Variants in RIMS1 observed in about 807,000 individuals in gnomAD.
RIMS1 encodes the protein regulating synaptic membrane exocytosis protein 1.
In RIMS1, 83 loss-of-function variants were observed where a neutral mutation model predicts 214.1. The ratio of observed to expected loss-of-function variants is 0.39; its 90% CI spans 0.32 to 0.47. RIMS1 has a LOEUF of 0.47. Ranked by LOEUF, RIMS1 falls within the 20% of genes least tolerant of loss-of-function variation. RIMS1 has a pLI of 0.99. For synonymous variants in RIMS1, 793 were observed against 786.8 expected, an observed-to-expected ratio of 1.01 and a Z score of -0.13; for missense variants, 2,050 against 2,161.8, an observed-to-expected ratio of 0.95 and a Z score of 1.03.
At chr6:72,011,032 G>A (rs1413403515) in intron 2 of RIMS1, among the ~76,000 whole-genome samples, 1 of 151,524 alleles carries the variant, frequency 6.6e-6, no homozygotes, top group Non-Finnish European at 1.5e-5. Context: ...TCAATCCTTA[G>A]CCAAAAGAAC....
At chr6:72,023,257 T>C (rs1007280998) in intron 2 of RIMS1, among the ~76,000 whole-genome samples, 2 of 152,188 alleles carry the variant, frequency 1.3e-5, no homozygotes, top group Non-Finnish European at 2.9e-5. Flanking sequence ...ATAGCTAACA[T>C]ATACATTTTA....
intron 29 of RIMS1, among the ~76,000 whole-genome samples, chr6:72,378,229 T>G (rs2098423906): frequency 6.6e-6 from 1 of 152,192 alleles, no homozygotes; most frequent in Non-Finnish European, 1.5e-5. Flanking sequence ...TCTCAAGAAT[T>G]GCTGCCTATC....
intron 4 of RIMS1, among the ~76,000 whole-genome samples, chr6:72,138,465 C>T (rs1357565179): frequency 6.6e-6 from 1 of 152,008 alleles, no homozygotes; most frequent in Admixed American, 6.6e-5. Context: ...TCTGCTTTTT[C>T]TGGATTTTTC....
intron 4 of RIMS1, among the ~76,000 whole-genome samples, chr6:72,118,740 AG>A (rs1211510384): frequency 6.6e-6 from 1 of 151,802 alleles, no homozygotes; most frequent in African/African-American, 2.4e-5. Flanking sequence ...TTATCTCAAT[AG>A]ATGTAGAAAA....
intron 28 of RIMS1, among the ~76,000 whole-genome samples, chr6:72,314,509 C>T (rs528075914): frequency 6.6e-6 from 1 of 152,184 alleles, no homozygotes; most frequent in Admixed American, 6.5e-5. Flanking sequence ...TTTGTTGAAG[C>T]AAATTAAAAG....
In RIMS1 at chr6:71,903,539, G is replaced by A. The variant is rs192909854; in HGVS notation, c.164+16352G>A. Among the ~76,000 whole-genome samples the A allele has an allele frequency of 5.3e-5, 8 of 152,216 alleles. 1 individual carries two copies. The East Asian group carries it at 1.2e-3, about 22-fold the overall frequency. ...AAACTAAAGAGCTTCTGCATAGCAA[G>A]AGAAACTATGATCAGAGTGAACAGA... is the stretch of plus-strand genomic sequence containing the variant. On this transcript the variant is annotated intron_variant, in intron 1 of 33. Transcript: ENST00000521978.
In RIMS1 at chr6:72,024,757, CAT is replaced by C. The variant is rs372700657; in HGVS notation, c.245+55696_245+55697del. Among the ~76,000 whole-genome samples the C allele has an allele frequency of 4.5e-4, 68 of 152,144 alleles. No homozygotes were observed. In the East Asian group the frequency reaches 8.7e-3, roughly 19 times the overall value. On this transcript the variant is annotated intron_variant, in intron 2 of 33. Coordinates refer to ENST00000521978, the MANE Select transcript of RIMS1 (RefSeq NM_014989.7). ...TCCCATATATTATCAATTTAAGTCT[CAT>C]AGTACTTTCCTATTTTTTCTGAATA...
chr6:72,387,358 T>C (rs2098631408), intron 29 of RIMS1, among the ~76,000 whole-genome samples: 1 of 152,206 alleles, frequency 6.6e-6, no homozygotes, highest in Non-Finnish European at 1.5e-5. Flanking sequence ...GCAGATTTTA[T>C]TATCTCATGC....
chr6:71,971,746 A>G (rs117465877), intron 2 of RIMS1, among the ~76,000 whole-genome samples: 3,565 of 152,248 alleles, frequency 0.023, 70 homozygotes, highest in Middle Eastern at 0.041. Context: ...ACTCCCCCTC[A>G]TGTTATCATC....
intron 1 of RIMS1, among the ~76,000 whole-genome samples, chr6:71,945,934 G>C (rs924881540): frequency 1.3e-5 from 2 of 151,846 alleles, no homozygotes; most frequent in East Asian, 3.9e-4. Flanking sequence ...ATTTTTTAGT[G>C]GAGATGGGGT....
intron 29 of RIMS1, among the ~76,000 whole-genome samples, chr6:72,349,072 G>T (rs2097360952): frequency 6.6e-6 from 1 of 151,862 alleles, no homozygotes; most frequent in Non-Finnish European, 1.5e-5. Flanking sequence ...ATTCTTACTT[G>T]GGAAACAAAC....
At chr6:72,292,935 A>G (rs2093615484) in intron 26 of RIMS1, among the ~76,000 whole-genome samples, 2 of 152,018 alleles carry the variant, frequency 1.3e-5, no homozygotes, top group African/African-American at 4.8e-5. Context: ...CAGCAGTGTT[A>G]TTGTTGCTGA....
At chr6:72,106,641 T>C (rs943249244) in intron 4 of RIMS1, among the ~76,000 whole-genome samples, 2 of 152,354 alleles carry the variant, frequency 1.3e-5, no homozygotes, top group Admixed American at 6.5e-5. Flanking sequence ...TGTTTGTTGC[T>C]GTTTTTATTG....
intron 2 of RIMS1, among the ~76,000 whole-genome samples, chr6:71,977,605 T>A (rs1797479436): frequency 6.6e-6 from 1 of 152,106 alleles, no homozygotes; most frequent in Non-Finnish European, 1.5e-5. Flanking sequence ...GAAAACTATT[T>A]AGAAAGACTG....
At chr6:72,261,773 T>C (rs2078133209) in intron 19 of RIMS1, 1 of 985,218 alleles carries the variant, frequency 1.0e-6, no homozygotes, top group Admixed American at 6.2e-5. Context: ...AAAAATTGTT[T>C]GAACTTTTTA....
chr6:72,032,700 T>C (rs1482585968), intron 2 of RIMS1, among the ~76,000 whole-genome samples: 1 of 152,204 alleles, frequency 6.6e-6, no homozygotes, highest in Admixed American at 6.5e-5. Flanking sequence ...GAGTGGTATC[T>C]GAATAAAAGA....
chr6:72,009,866 A>C lies in RIMS1; in HGVS notation c.245+40803A>C, dbSNP rs1218344391. Reference sequence around the variant, plus strand: ...CCCAACCAAAAAAATCCAGGACCAGACAGATTCACAGCCGAATTCTACCAG... The same window carrying C: ...CCCAACCAAAAAAATCCAGGACCAGCCAGATTCACAGCCGAATTCTACCAG... On this transcript the variant is annotated intron_variant, in intron 2 of 33. Coordinates refer to ENST00000521978, the MANE Select transcript of RIMS1 (RefSeq NM_014989.7). Among the ~76,000 whole-genome samples, 14 of 152,290 alleles carry C rather than the reference A, an allele frequency of 9.2e-5. No homozygotes were observed. The East Asian group carries it at 2.5e-3, about 27-fold the overall frequency.
In RIMS1 at chr6:72,334,156, G is replaced by T. The variant is rs112965426; in HGVS notation, c.4366+321G>T. Among the ~76,000 whole-genome samples the T allele has an allele frequency of 7.4e-3, 1,131 of 151,850 alleles. 15 individuals carry two copies. The highest frequency in any genetic ancestry group is 0.026 in the African/African-American group (1,086 of 41,468). On this transcript the variant is annotated intron_variant, in intron 29 of 33. Transcript: ENST00000521978. ...ATTTACATGCAACGAAAGCAACAGG[G>T]TTCTCTTTTTCAAAATGTTCCATAA...
intron 2 of RIMS1, among the ~76,000 whole-genome samples, chr6:72,010,193 G>T (rs541866917): frequency 6.6e-6 from 1 of 152,004 alleles, no homozygotes; most frequent in African/African-American, 2.4e-5. Context: ...ATCAATAAAC[G>T]TAATCCAGCA....
Sources: gnomAD v4.1 joint callset for allele counts (sites outside exome capture counted in the v4.1 genomes callset) on GRCh38, gnomAD v4.1.1 for gene constraint, MANE v1.5 for transcripts, NCBI Gene and HGNC (gene_info 2026-07-23, HGNC 2026-07-21) for gene names.